The following SCOC variants were observed in gnomAD, a reference collection of about 807,000 sequenced individuals.
SCOC encodes short coiled coil protein.
A neutral mutation model predicts 9.9 loss-of-function variants in SCOC; 7 were observed. The ratio of observed to expected loss-of-function variants is 0.71; its 90% CI spans 0.40 to 1.33. The LOEUF (loss-of-function observed/expected upper bound fraction) is 1.33, where lower values mean the gene tolerates loss of function less well. Ranked by LOEUF, SCOC falls within the 40% of genes most tolerant of loss-of-function variation. SCOC has a pLI of 0.01. For missense variants in SCOC, 66 were observed against 89.7 expected (o/e 0.74, Z 1.07); for synonymous variants, 19 against 28.2 (o/e 0.67, Z 1.03).
intron 1 of SCOC, among the ~76,000 whole-genome samples, chr4:140,327,498 T>A (rs1031755600): frequency 3.9e-5 from 6 of 152,198 alleles, no homozygotes; most frequent in Non-Finnish European, 8.8e-5. Flanking sequence ...AAATTATTTT[T>A]AAAAACATGC....
At chr4:140,267,719 C>T (rs1730759893) in intron 1 of SCOC, among the ~76,000 whole-genome samples, 1 of 152,126 alleles carries the variant, frequency 6.6e-6, no homozygotes, top group South Asian at 2.1e-4. Flanking sequence ...GCTCCGGGAA[C>T]CCCCTCCTCC....
At chr4:140,312,357 A>T (rs1732180743) in intron 1 of SCOC, among the ~76,000 whole-genome samples, 1 of 152,174 alleles carries the variant, frequency 6.6e-6, no homozygotes, top group African/African-American at 2.4e-5. Context: ...TTGCATTTGA[A>T]CTGGGGGCAC....
intron 1 of SCOC, among the ~76,000 whole-genome samples, chr4:140,268,356 A>G (rs1730774639): frequency 6.6e-6 from 1 of 152,210 alleles, no homozygotes. Context: ...CACTAGGACA[A>G]ATGTATACAA....
chr4:140,257,816 C>G (rs1015757817), intron 1 of SCOC, among the ~76,000 whole-genome samples: 8 of 152,180 alleles, frequency 5.3e-5, no homozygotes, highest in African/African-American at 1.4e-4. Flanking sequence ...CATGTGGCAG[C>G]CTTTTGCTTT....
In SCOC at chr4:140,318,710, C is replaced by T. The variant is rs539571550; in HGVS notation, c.-18-24911C>T. On this transcript the variant is annotated intron_variant, in intron 1 of 4. Coordinates refer to the SCOC transcript ENST00000394205. ...ATCTAGAACTAGAAATACCATTTGA[C>T]CCAGCCATCCCATTACTGGGTATAT... 8.0e-4 allele frequency among the ~76,000 whole-genome samples: 116 copies of T among 144,510 alleles called. 1 individual carries two copies. Among genetic ancestry groups the T allele is most frequent in the African/African-American group, 2.9e-3 (109 of 38,200 alleles). The allele number at this position is 144,510 out of a possible 152,430, so 94.8% of individuals were successfully genotyped here.
intron 1 of SCOC, among the ~76,000 whole-genome samples, chr4:140,330,059 C>CG (rs1462537613): frequency 4.6e-5 from 7 of 152,260 alleles, no homozygotes; most frequent in African/African-American, 1.7e-4. Context: ...AGCCCAAATG[C>CG]CCATCAGTCA....
intron 1 of SCOC, among the ~76,000 whole-genome samples, chr4:140,272,029 G>A (rs6846841): frequency 0.13 from 20,268 of 150,400 alleles, 2,335 homozygotes; most frequent in East Asian, 0.31. Flanking sequence ...TCCCACTTCT[G>A]TGGCGGGAGT....
chr4:140,361,890 A>T (rs1727487488), intron 2 of SCOC, among the ~76,000 whole-genome samples: 1 of 152,136 alleles, frequency 6.6e-6, no homozygotes, highest in Non-Finnish European at 1.5e-5. Flanking sequence ...ACAAAAAGAA[A>T]ATCTACAAAC....
upstream of SCOC, among the ~76,000 whole-genome samples, chr4:140,340,783 C>CTTTTTTTTTTTTTTTTTTTT (rs36136647): frequency 9.9e-5 from 4 of 40,476 alleles, 1 homozygote; most frequent in African/African-American, 2.8e-4. Flanking sequence ...TGCTGCCTAA[C>CTTTTTTTTTTTTTTTTTTTT]TTTTTTTTTT....
At chr4:140,273,518 G>T (rs908207784) in intron 1 of SCOC, among the ~76,000 whole-genome samples, 2 of 151,640 alleles carry the variant, frequency 1.3e-5, no homozygotes, top group African/African-American at 4.8e-5. Flanking sequence ...GGCCTCAACA[G>T]GTAGGCAGGA....
chr4:140,324,244 A>G (rs1168549060), intron 1 of SCOC, among the ~76,000 whole-genome samples: 1 of 152,192 alleles, frequency 6.6e-6, no homozygotes, highest in Admixed American at 6.5e-5. Context: ...TACAACTAGC[A>G]TCATACTTAA....
chr4:140,291,623 A>G (rs1731475069), intron 1 of SCOC: 1 of 415,046 alleles, frequency 2.4e-6, no homozygotes, highest in African/African-American at 2.0e-5. Context: ...ATCAATGACC[A>G]TGTACCATGT....
chr4:140,267,394 C>T (rs945552156), intron 1 of SCOC, among the ~76,000 whole-genome samples: 9 of 152,154 alleles, frequency 5.9e-5, no homozygotes, highest in Non-Finnish European at 1.3e-4. Flanking sequence ...GGAGAGACTG[C>T]GGAGATCTGA....
chr4:140,362,304 T>TCCTCTTCCTCTTCCTCTTCC (rs1415210513), intron 2 of SCOC, among the ~76,000 whole-genome samples: 1 of 55,142 alleles, frequency 1.8e-5, no homozygotes, highest in Non-Finnish European at 4.1e-5. Context: ...TTCTTCTTTT[T>TCCTCTTCCTCTTCCTCTTCC]TTTTTTTTTT....
intron 1 of SCOC, among the ~76,000 whole-genome samples, chr4:140,308,578 G>A (rs1332108358): frequency 2.0e-5 from 3 of 152,184 alleles, no homozygotes; most frequent in Non-Finnish European, 2.9e-5. Context: ...GGCTCTGGGA[G>A]CCCGTGTGTC....
chr4:140,268,662 T>A (rs529794603), intron 1 of SCOC, among the ~76,000 whole-genome samples: 33 of 152,288 alleles, frequency 2.2e-4, no homozygotes, highest in African/African-American at 7.9e-4. Flanking sequence ...AAGCAGGGGA[T>A]CTCAAAGGGA....
intron 2 of SCOC, among the ~76,000 whole-genome samples, chr4:140,351,199 AAAAAAG>A (rs1726963718): frequency 6.6e-6 from 1 of 151,998 alleles, no homozygotes; most frequent in South Asian, 2.1e-4. Flanking sequence ...TAAAAAAAAA[AAAAAAG>A]AAGAAGAAGG....
chr4:140,342,005 T>C (rs1726535957), upstream of SCOC, among the ~76,000 whole-genome samples: 1 of 152,288 alleles, frequency 6.6e-6, no homozygotes, highest in East Asian at 1.9e-4. Context: ...CCCTCCAACC[T>C]TTCTGCCTCC....
chr4:140,380,208 T>C (rs1461572016), intron 3 of SCOC, among the ~76,000 whole-genome samples: 4 of 146,632 alleles, frequency 2.7e-5, no homozygotes, highest in Admixed American at 2.7e-4. Flanking sequence ...TTTTTTTTTT[T>C]TTTTTTTGAG....
Sources: allele counts gnomAD v4.1 joint callset (sites outside exome capture counted in the v4.1 genomes callset), GRCh38; gene constraint gnomAD v4.1.1; transcripts MANE v1.5; gene names NCBI Gene and HGNC (gene_info 2026-07-23, HGNC 2026-07-21).